The following RFXANK variants were observed in gnomAD, a reference collection of about 807,000 sequenced individuals.
RFXANK encodes DNA-binding protein RFXANK.
RFXANK carries 19 observed loss-of-function variants against 34.5 expected under a neutral mutation model. The ratio of observed to expected loss-of-function variants is 0.55; its 90% CI spans 0.38 to 0.81. RFXANK has a LOEUF of 0.81. RFXANK is among the 30% of genes least tolerant of loss of function. The pLI is 0.00. For missense variants in RFXANK, 295 were observed against 343.5 expected (o/e 0.86, Z 1.12); for synonymous variants, 154 against 149.8 (o/e 1.03, Z -0.20).
rs7256074 is a variant in RFXANK at position 19,199,055 on chromosome 19, T to C, written c.632-99T>C. 7.2e-3 allele frequency: 8,488 copies of C among 1,179,306 alleles called. 425 individuals are homozygous for C. In the African/African-American group the frequency reaches 0.11, roughly 15 times the overall value. The allele number at this position is 1,179,306 out of a possible 1,614,324, so 73.1% of individuals were successfully genotyped here. A position where few individuals can be genotyped will look rare whatever the true frequency, so the allele number is the denominator to read the frequency against. Reference sequence around the variant, plus strand: ...GGCAACGGGCAGACCCACGGCTGCATTGTGGGGAATGAGGGGTGCCATGGG... The same window carrying C: ...GGCAACGGGCAGACCCACGGCTGCACTGTGGGGAATGAGGGGTGCCATGGG... On this transcript the variant is annotated intron_variant, in intron 8 of 9. Transcript: ENST00000303088.
intron 9 of RFXANK, 88 bp downstream of exon 9, chr19:19,199,322 T>C: frequency 8.0e-7 from 1 of 1,253,682 alleles, no homozygotes; most frequent in Non-Finnish European, 1.2e-6. Flanking sequence ...CCTTCAGTGG[T>C]CATACGCCGG....
intron 9 of RFXANK, among the ~76,000 whole-genome samples, chr19:19,200,143 C>T (rs1429435632): frequency 7.4e-5 from 11 of 149,030 alleles, no homozygotes; most frequent in Non-Finnish European, 1.3e-4. Context: ...CACAGGCATT[C>T]GTCACCATGC....
Position 19,192,544 on chromosome 19 carries a change from G to A in RFXANK, c.-160G>A. On this transcript the variant is annotated 5_prime_UTR_variant, in exon 1 of 10. Coordinates refer to ENST00000303088, the MANE Select transcript of RFXANK (RefSeq NM_003721.4). ...GCAGAAGGGACCTTGTTGTGGAACGGGACGGCCAAGGTACGCTGCCCCTTT... is the reference window on the plus strand; with the variant it reads ...GCAGAAGGGACCTTGTTGTGGAACGAGACGGCCAAGGTACGCTGCCCCTTT... The A allele has an allele frequency of 5.4e-6, 1 of 186,288 alleles. No homozygotes were observed. Among genetic ancestry groups the A allele is most frequent in the Non-Finnish European group, 1.1e-5 (1 of 88,462 alleles). 11.5% of individuals were successfully genotyped at this position (186,288 alleles called of 1,614,324 possible).
chr19:19,196,924 C>G, intron 3 of RFXANK, 39 bp from the exon 4 acceptor site: 1 of 1,551,360 alleles, frequency 6.4e-7, no homozygotes, highest in Non-Finnish European at 8.8e-7. Context: ...TCAGAGACAT[C>G]TACTGAGGGG....
At chr19:19,200,160 A>T (rs2146507594) in intron 9 of RFXANK, among the ~76,000 whole-genome samples, 1 of 146,016 alleles carries the variant, frequency 6.8e-6, no homozygotes, top group East Asian at 2.0e-4. Flanking sequence ...ATGCCTGGCT[A>T]ATTTTTTGTT....
At chr19:19,195,650 T>C (rs1262690025) in intron 3 of RFXANK, among the ~76,000 whole-genome samples, 2 of 147,068 alleles carry the variant, frequency 1.4e-5, no homozygotes. Flanking sequence ...TGGTGTCACC[T>C]TGGGGAGGCC....
chr19:19,197,436 G>C, intron 5 of RFXANK, 85 bp from the exon 6 acceptor site: 2 of 1,411,386 alleles, frequency 1.4e-6, no homozygotes, highest in South Asian at 2.4e-5. Context: ...TCTAACCCCA[G>C]CCCCCCACCT....
chr19:19,194,027 CG>C lies in RFXANK; in HGVS notation c.83del (p.Gly28GlufsTer23), dbSNP rs1568575365. 8.1e-6 allele frequency: 13 copies of C among 1,614,206 alleles called. No homozygotes were observed. Among genetic ancestry groups the C allele is most frequent in the Non-Finnish European group, 1.0e-5 (12 of 1,180,032 alleles). ...ASELGDPEDP[G>X]EEAADGSDTV... ...CAGAACTTGGGGACCCTGAAGACCC[CG>C]GAGAGGAGGCTGCAGATGGCTCAGA... On this transcript the variant is annotated frameshift_variant, in exon 3 of 10. Transcript: ENST00000303088. LOFTEE classifies it high-confidence loss of function.
intron 2 of RFXANK, among the ~76,000 whole-genome samples, chr19:19,193,420 T>TC: frequency 7.1e-6 from 1 of 140,270 alleles, no homozygotes. Flanking sequence ...TTCTTTTTTT[T>TC]TTTTTTTTTT....
chr19:19,197,442 C>G (rs76155878), intron 5 of RFXANK, 79 bp from the exon 6 acceptor site: 15 of 1,447,102 alleles, frequency 1.0e-5, no homozygotes, highest in African/African-American at 1.4e-5. Flanking sequence ...CCCAGCCCCC[C>G]ACCTCGTCCC....
intron 9 of RFXANK, among the ~76,000 whole-genome samples, chr19:19,200,173 T>G (rs2060680344): frequency 6.7e-6 from 1 of 148,212 alleles, no homozygotes; most frequent in South Asian, 2.1e-4. Context: ...TTTTTGTTGT[T>G]GCTTTTTTTT....
chr19:19,199,718 A>G (rs10424365), intron 9 of RFXANK, among the ~76,000 whole-genome samples: 24,396 of 152,010 alleles, frequency 0.16, 2,242 homozygotes, highest in Admixed American at 0.23. Flanking sequence ...GGGGTAGGCG[A>G]CCAGGCCATA....
In RFXANK at chr19:19,197,218, G is replaced by T. The variant is rs760362888; in HGVS notation, c.304G>T (p.Glu102Ter). ...CATCCACCAGCTCGCAGCACAGGGG[G>T]AGCTGGACCAGCTGAAGGAGCATTT... is the stretch of plus-strand genomic sequence containing the variant. ...LSIHQLAAQG[E>*]LDQLKEHLRK... The change falls in exon 5 of 10, where the codon GAG (glutamate) becomes TAG (stop). Residue 102 changes from glutamate (E) to a stop codon, truncating the protein, a stop_gained. Coordinates refer to ENST00000303088, the MANE Select transcript of RFXANK (RefSeq NM_003721.4). LOFTEE classifies it high-confidence loss of function. 1.2e-6 allele frequency: 2 copies of T among 1,613,518 alleles called. No homozygotes were observed. Among genetic ancestry groups the T allele is most frequent in the South Asian group, 2.2e-5 (2 of 91,060 alleles).
At chr19:19,194,478 C>T (rs930950035) in intron 3 of RFXANK, among the ~76,000 whole-genome samples, 2 of 152,094 alleles carry the variant, frequency 1.3e-5, no homozygotes, top group African/African-American at 2.4e-5. Context: ...TCAGGTGATC[C>T]GCCCACCTCG....
intron 9 of RFXANK, among the ~76,000 whole-genome samples, chr19:19,199,674 G>A (rs1322822510): frequency 6.6e-6 from 1 of 152,118 alleles, no homozygotes; most frequent in Admixed American, 6.5e-5. Context: ...TGGGAGGAGT[G>A]GCCCCTGCGG....
intron 8 of RFXANK, 172 bp from the exon 9 acceptor site, chr19:19,198,982 A>C: frequency 1.3e-6 from 1 of 771,126 alleles, no homozygotes; most frequent in Non-Finnish European, 2.2e-6. Flanking sequence ...CACGTTCTTC[A>C]GTGGAGACCA....
Position 19,194,088 on chromosome 19 carries a change from G to C in RFXANK, c.142G>C (p.Glu48Gln). 1.2e-6 allele frequency: 2 copies of C among 1,614,136 alleles called. No individual in the cohort carries two copies. The highest frequency in any genetic ancestry group is 1.7e-6 in the Non-Finnish European group (2 of 1,180,022). ...CCTCAGTCTCTTTCCCTGCACCCCT[G>C]AGCCTGTGAATCCTGAACCGGATGC... ...VVLSLFPCTP[E>Q]PVNPEPDASV... Residue 48 changes from glutamate (E) to glutamine (Q), a missense_variant, in exon 3 of 10, where the codon GAG becomes CAG. Coordinates refer to ENST00000303088, the MANE Select transcript of RFXANK (RefSeq NM_003721.4).
chr19:19,199,279 G>C, intron 9 of RFXANK, 45 bp downstream of exon 9: 1 of 1,586,410 alleles, frequency 6.3e-7, no homozygotes, highest in Non-Finnish European at 8.7e-7. Flanking sequence ...CCTTCCATAG[G>C]CAGGGTGACC....
Position 19,198,092 on chromosome 19 carries a change from T to A in RFXANK, c.439-15T>A. 1 of 1,611,824 alleles carries A rather than the reference T, an allele frequency of 6.2e-7. No homozygotes were observed. The highest frequency in any genetic ancestry group is 1.7e-5 in the Admixed American group (1 of 59,894). On this transcript the variant is annotated splice_polypyrimidine_tract_variant and intron_variant, in intron 6 of 9. Coordinates refer to ENST00000303088, the MANE Select transcript of RFXANK (RefSeq NM_003721.4). Reference sequence around the variant, plus strand: ...CCCCAATCCATCCTACCACTGTCCCTTCTTCTCCCTGCAGGGTGCCGACCC... The same window carrying A: ...CCCCAATCCATCCTACCACTGTCCCATCTTCTCCCTGCAGGGTGCCGACCC...
Sources: allele counts gnomAD v4.1 joint callset (sites outside exome capture counted in the v4.1 genomes callset), GRCh38; gene constraint gnomAD v4.1.1; transcripts MANE v1.5; gene names NCBI Gene and HGNC (gene_info 2026-07-23, HGNC 2026-07-21).